Variants in GSK3B observed in about 807,000 individuals in gnomAD.
GSK3B encodes the protein glycogen synthase kinase-3 beta.
A neutral mutation model predicts 56.4 loss-of-function variants in GSK3B; 15 were observed. The observed-to-expected ratio is 0.27, with a 90% confidence interval of 0.18 to 0.41. GSK3B has a LOEUF of 0.41. GSK3B is among the 10% of genes least tolerant of loss of function. GSK3B has a pLI of 1.00. For missense variants in GSK3B, 300 were observed against 513.4 expected, an observed-to-expected ratio of 0.58 and a Z score of 4.02; for synonymous variants, 181 against 188.9, an observed-to-expected ratio of 0.96 and a Z score of 0.34.
intron 2 of GSK3B, among the ~76,000 whole-genome samples, chr3:119,975,427 C>G (rs1356044573): frequency 6.6e-6 from 1 of 151,728 alleles, no homozygotes; most frequent in South Asian, 2.1e-4. Flanking sequence ...AGCCTTGGCA[C>G]AAGAGCAAAG....
At chr3:120,058,259 A>G (rs963761781) in intron 1 of GSK3B, among the ~76,000 whole-genome samples, 2 of 152,134 alleles carry the variant, frequency 1.3e-5, no homozygotes, top group Non-Finnish European at 2.9e-5. Flanking sequence ...CTGATAATAT[A>G]TTTTATTTAA....
chr3:120,036,792 CAAAAA>C (rs560163237), intron 1 of GSK3B, among the ~76,000 whole-genome samples: 3 of 64,336 alleles, frequency 4.7e-5, no homozygotes, highest in Non-Finnish European at 9.2e-5. Flanking sequence ...GACTCCGACT[CAAAAA>C]AAAAAAAAAA....
chr3:120,068,115 AG>A (rs1359059997), intron 1 of GSK3B, among the ~76,000 whole-genome samples: 1 of 152,200 alleles, frequency 6.6e-6, no homozygotes, highest in Non-Finnish European at 1.5e-5. Context: ...ATTTGGGGCC[AG>A]GCGCGGTGGC....
At chr3:120,061,161 A>G (rs1211318921) in intron 1 of GSK3B, among the ~76,000 whole-genome samples, 5 of 152,222 alleles carry the variant, frequency 3.3e-5, no homozygotes, top group Non-Finnish European at 7.3e-5. Context: ...TTAAATCTCT[A>G]TTTTAAAGAT....
intron 1 of GSK3B, among the ~76,000 whole-genome samples, chr3:120,038,036 T>C (rs1006837458): frequency 6.6e-6 from 1 of 152,178 alleles, no homozygotes; most frequent in Non-Finnish European, 1.5e-5. Flanking sequence ...TAAATATTGT[T>C]CATTTAACCT....
intron 1 of GSK3B, among the ~76,000 whole-genome samples, chr3:120,048,828 C>G (rs1021842239): frequency 2.4e-4 from 36 of 152,196 alleles, no homozygotes; most frequent in African/African-American, 8.7e-4. Context: ...TAGTATGACT[C>G]TGCCCTATGT....
chr3:119,879,718 T>C (rs886683557), intron 7 of GSK3B, among the ~76,000 whole-genome samples: 4 of 152,172 alleles, frequency 2.6e-5, no homozygotes, highest in Non-Finnish European at 5.9e-5. Flanking sequence ...AATTTTTAGC[T>C]CTCACAAATA....
chr3:119,947,787 GA>G (rs145695825), intron 2 of GSK3B, among the ~76,000 whole-genome samples: 7 of 127,694 alleles, frequency 5.5e-5, no homozygotes, highest in Non-Finnish European at 8.2e-5. Flanking sequence ...AAGATGCAGT[GA>G]AAAAAAAAAC....
chr3:119,850,179 T>C (rs2055909616), intron 9 of GSK3B, among the ~76,000 whole-genome samples: 2 of 151,898 alleles, frequency 1.3e-5, no homozygotes, highest in African/African-American at 4.8e-5. Flanking sequence ...AGAAAAGATT[T>C]GGGATCTCGG....
chr3:120,051,513 T>G (rs942363730), intron 1 of GSK3B, among the ~76,000 whole-genome samples: 1 of 152,162 alleles, frequency 6.6e-6, no homozygotes, highest in Non-Finnish European at 1.5e-5. Flanking sequence ...ACGCCTGCAA[T>G]CCCAGCAATT....
chr3:119,955,400 T>C (rs2057203795), intron 2 of GSK3B, among the ~76,000 whole-genome samples: 1 of 152,156 alleles, frequency 6.6e-6, no homozygotes, highest in South Asian at 2.1e-4. Context: ...CTGGGGGCCC[T>C]GAGAATACAA....
At chr3:119,900,428 T>C (rs2056613737) in intron 7 of GSK3B, among the ~76,000 whole-genome samples, 1 of 152,156 alleles carries the variant, frequency 6.6e-6, no homozygotes. Context: ...GTTGGTTTAT[T>C]TTTAAATTGT....
chr3:119,990,929 C>CAATA (rs1328106180), intron 2 of GSK3B, among the ~76,000 whole-genome samples: 5 of 151,626 alleles, frequency 3.3e-5, no homozygotes, highest in Non-Finnish European at 7.4e-5. Context: ...ATTCTGTCTC[C>CAATA]AATAAATAAA....
At chr3:119,835,590 T>C (rs796644784) in intron 10 of GSK3B, among the ~76,000 whole-genome samples, 2 of 152,208 alleles carry the variant, frequency 1.3e-5, no homozygotes, top group Non-Finnish European at 2.9e-5. Flanking sequence ...GTGATTATCT[T>C]TGAAAGTAGA....
chr3:119,883,669 A>G (rs997471741), intron 7 of GSK3B, among the ~76,000 whole-genome samples: 1 of 152,190 alleles, frequency 6.6e-6, no homozygotes, highest in African/African-American at 2.4e-5. Context: ...TTGATCTAGT[A>G]CAAACATTTT....
chr3:120,061,140 T>C (rs2058232753), intron 1 of GSK3B, among the ~76,000 whole-genome samples: 2 of 152,202 alleles, frequency 1.3e-5, no homozygotes, highest in South Asian at 4.1e-4. Flanking sequence ...TAGAATTCCA[T>C]TAGTAACACT....
rs555638401 is a variant in GSK3B at position 120,045,974 on chromosome 3, G to A, written c.89-43735C>T. 7.2e-5 allele frequency among the ~76,000 whole-genome samples: 11 copies of A among 152,178 alleles called. No homozygotes were observed. The South Asian group carries it at 8.3e-4, about 11-fold the overall frequency. On this transcript the variant is annotated intron_variant, in intron 1 of 10. Transcript: ENST00000264235. ...ATATATTGCTAAGTGAAAGAACCAC[G>A]TCTAAAAAGGCTACATACTGTATGA...
intron 1 of GSK3B, among the ~76,000 whole-genome samples, chr3:120,086,255 C>T (rs564807179): frequency 6.6e-6 from 1 of 151,470 alleles, no homozygotes; most frequent in South Asian, 2.1e-4. Context: ...AACTCTGCTG[C>T]TGAGTTAATA....
chr3:119,876,003 T>G (rs1260787716), intron 8 of GSK3B, among the ~76,000 whole-genome samples: 1 of 152,160 alleles, frequency 6.6e-6, no homozygotes, highest in South Asian at 2.1e-4. Context: ...ATGCCATCTA[T>G]AATAAGATAT....
Sources: allele counts gnomAD v4.1 joint callset (sites outside exome capture counted in the v4.1 genomes callset), GRCh38; gene constraint gnomAD v4.1.1; transcripts MANE v1.5; gene names NCBI Gene and HGNC (gene_info 2026-07-23, HGNC 2026-07-21).